Variants in DCC observed in about 807,000 individuals in gnomAD.
DCC encodes DCC netrin 1 receptor, also known as netrin receptor DCC.
Under a neutral mutation model 172.5 loss-of-function variants are expected in DCC, and 58 were observed. The observed-to-expected ratio is 0.34, with a 90% CI of 0.27 to 0.42. The LOEUF (loss-of-function observed/expected upper bound fraction) is 0.42, where lower values mean the gene tolerates loss of function less well. DCC is among the 10% of genes least tolerant of loss of function. The probability of loss-of-function intolerance (pLI) is 1.00; values close to 1 mark genes in which losing one functional copy is unlikely to be tolerated. For synonymous variants in DCC, 709 were observed against 644.5 expected (o/e 1.10, Z -1.52); for missense variants, 1,740 against 1,791.0 (o/e 0.97, Z 0.51).
At chr18:53,486,206 T>G (rs1182414828) in intron 25 of DCC, among the ~76,000 whole-genome samples, 1 of 152,178 alleles carries the variant, frequency 6.6e-6, no homozygotes, top group Non-Finnish European at 1.5e-5. Flanking sequence ...AAGTTGATAT[T>G]CCTGAAAAAC....
chr18:53,347,789 C>A (rs1211951192), intron 15 of DCC, among the ~76,000 whole-genome samples: 2 of 152,044 alleles, frequency 1.3e-5, no homozygotes, highest in Non-Finnish European at 2.9e-5. Context: ...ACATAGAGGG[C>A]AACAGGCAAA....
chr18:52,937,673 A>G (rs1489794091), intron 5 of DCC, among the ~76,000 whole-genome samples: 3 of 152,014 alleles, frequency 2.0e-5, no homozygotes, highest in African/African-American at 7.2e-5. Flanking sequence ...TTTTTTGTAG[A>G]GTTGAGGTCT....
chr18:53,217,846 A>AT (rs1177845918), intron 12 of DCC, among the ~76,000 whole-genome samples: 2 of 151,568 alleles, frequency 1.3e-5, no homozygotes, highest in African/African-American at 2.4e-5. Flanking sequence ...GGGTGTTTTT[A>AT]TTTTTTTTAT....
intron 1 of DCC, among the ~76,000 whole-genome samples, chr18:52,495,909 G>A (rs1226614610): frequency 1.3e-5 from 2 of 151,866 alleles, no homozygotes; most frequent in African/African-American, 4.8e-5. Context: ...TTAGATCTCT[G>A]TAGACTTCAT....
chr18:52,489,283 G>C (rs1462665872), intron 1 of DCC, among the ~76,000 whole-genome samples: 1 of 151,938 alleles, frequency 6.6e-6, no homozygotes, highest in Non-Finnish European at 1.5e-5. Flanking sequence ...CAACTTTCTG[G>C]CTACATAGTT....
At chr18:53,095,737 A>C (rs2043076537) in intron 7 of DCC, among the ~76,000 whole-genome samples, 2 of 151,188 alleles carry the variant, frequency 1.3e-5, no homozygotes, top group South Asian at 2.1e-4. Flanking sequence ...TTATATCCGT[A>C]ATGTCTTTTT....
intron 1 of DCC, among the ~76,000 whole-genome samples, chr18:52,524,773 G>A (rs1377524658): frequency 6.6e-6 from 1 of 152,130 alleles, no homozygotes; most frequent in Non-Finnish European, 1.5e-5. Flanking sequence ...GGTGGTGGGA[G>A]AGGTAGGAAA....
At chr18:53,437,974 G>C (rs928938567) in intron 22 of DCC, among the ~76,000 whole-genome samples, 2 of 152,176 alleles carry the variant, frequency 1.3e-5, no homozygotes, top group Non-Finnish European at 2.9e-5. Flanking sequence ...AAAATCCCTA[G>C]AGATATATAG....
intron 7 of DCC, among the ~76,000 whole-genome samples, chr18:53,090,720 AAAAAAAAAAAAAAAG>A (rs1249238402): frequency 1.7e-4 from 22 of 132,028 alleles, no homozygotes; most frequent in Admixed American, 3.0e-4. Context: ...AAAAAAAAAA[AAAAAAAAAAAAAAAG>A]AATGTATCGT....
At chr18:53,300,716 G>C (rs889680442) in intron 12 of DCC, among the ~76,000 whole-genome samples, 1 of 152,166 alleles carries the variant, frequency 6.6e-6, no homozygotes, top group Non-Finnish European at 1.5e-5. Flanking sequence ...CAGTGCTGGG[G>C]TGAGGGCAGC....
intron 5 of DCC, 70 bp from the exon 6 acceptor site, chr18:53,063,235 T>C (rs2042520544): frequency 7.1e-7 from 1 of 1,408,972 alleles, no homozygotes; most frequent in African/African-American, 1.4e-5. Context: ...TTAAACTCAG[T>C]GAAGACCTCA....
At chr18:52,905,433 A>G (rs1018799086) in intron 2 of DCC, among the ~76,000 whole-genome samples, 2 of 152,174 alleles carry the variant, frequency 1.3e-5, no homozygotes, top group Non-Finnish European at 2.9e-5. Context: ...CAGCTTTTAA[A>G]TCTTTTCACT....
At chr18:52,786,227 G>GGCAGGATTT (rs578088873) in intron 2 of DCC, among the ~76,000 whole-genome samples, 253 of 152,066 alleles carry the variant, frequency 1.7e-3, no homozygotes, top group African/African-American at 5.8e-3. Context: ...TTCACTGCTT[G>GGCAGGATTT]GCAGGATTTG....
At chr18:52,884,626 T>G (rs545294967) in intron 2 of DCC, among the ~76,000 whole-genome samples, 2 of 152,234 alleles carry the variant, frequency 1.3e-5, no homozygotes, top group African/African-American at 4.8e-5. Flanking sequence ...TTGTTGAGTT[T>G]CTTCAAAACA....
chr18:52,812,177 G>A (rs2038213182), intron 2 of DCC, among the ~76,000 whole-genome samples: 1 of 152,150 alleles, frequency 6.6e-6, no homozygotes, highest in Non-Finnish European at 1.5e-5. Context: ...TTTTCAATAT[G>A]TAGGCTTACA....
intron 1 of DCC, among the ~76,000 whole-genome samples, chr18:52,467,203 C>A (rs1988811509): frequency 6.6e-6 from 1 of 152,026 alleles, no homozygotes. Context: ...CCTAGTCCCC[C>A]ACCCCCCGAC....
chr18:52,469,322 G>A (rs796697676), intron 1 of DCC, among the ~76,000 whole-genome samples: 18 of 152,122 alleles, frequency 1.2e-4, no homozygotes, highest in African/African-American at 3.6e-4. Context: ...GTGGCCATCC[G>A]CCCACCTCCT....
chr18:53,057,473 C>A (rs1426521298), intron 5 of DCC, among the ~76,000 whole-genome samples: 3 of 152,026 alleles, frequency 2.0e-5, no homozygotes, highest in African/African-American at 7.2e-5. Flanking sequence ...TTCCTTGTCT[C>A]AGCCCCCCAT....
intron 7 of DCC, among the ~76,000 whole-genome samples, chr18:53,091,364 AATATATATAAAT>A (rs1364922653): frequency 2.0e-5 from 3 of 147,722 alleles, no homozygotes; most frequent in Admixed American, 6.8e-5. Flanking sequence ...TATATATACT[AATATATATAAAT>A]ATATATGTAA....
Sources: gnomAD v4.1 joint callset for allele counts (sites outside exome capture counted in the v4.1 genomes callset) on GRCh38, gnomAD v4.1.1 for gene constraint, MANE v1.5 for transcripts, NCBI Gene and HGNC (gene_info 2026-07-23, HGNC 2026-07-21) for gene names.